DHRS3: variants seen among roughly 807,000 people sequenced by gnomAD.
The protein encoded by DHRS3 is short-chain dehydrogenase/reductase 3.
DHRS3 carries 14 observed loss-of-function variants against 27.2 expected under a neutral mutation model. The ratio of observed to expected loss-of-function variants is 0.52; its 90% CI spans 0.34 to 0.81. The LOEUF is 0.81. DHRS3 is among the 30% of genes least tolerant of loss of function. The pLI is 0.01. For missense variants in DHRS3, 322 were observed against 406.2 expected, an observed-to-expected ratio of 0.79 and a Z score of 1.78; for synonymous variants, 165 against 175.9, an observed-to-expected ratio of 0.94 and a Z score of 0.49.
At chr1:12,569,199 A>G (rs983334651) in intron 5 of DHRS3, among the ~76,000 whole-genome samples, 27 of 41,612 alleles carry the variant, frequency 6.5e-4, no homozygotes, top group African/African-American at 2.4e-3. Flanking sequence ...CCTGGGCGAC[A>G]AGAGTAAAAC....
chr1:12,596,733 G>A (rs547355726), intron 1 of DHRS3, among the ~76,000 whole-genome samples: 2 of 152,268 alleles, frequency 1.3e-5, no homozygotes, highest in African/African-American at 2.4e-5. Context: ...CTCCATCTGG[G>A]GAAGTGGGGA....
At chr1:12,615,777 T>C (rs185925512) in intron 1 of DHRS3, among the ~76,000 whole-genome samples, 250 of 152,296 alleles carry the variant, frequency 1.6e-3, no homozygotes, top group African/African-American at 5.6e-3. Context: ...GGGCATCGCC[T>C]CAAGGAAATG....
intron 1 of DHRS3, among the ~76,000 whole-genome samples, chr1:12,598,292 G>A (rs528609656): frequency 6.6e-6 from 1 of 152,220 alleles, no homozygotes; most frequent in South Asian, 2.1e-4. Flanking sequence ...GGAGGATCAC[G>A]TGAGCCTGGG....
intron 5 of DHRS3, among the ~76,000 whole-genome samples, chr1:12,568,905 T>C (rs1351086846): frequency 1.3e-5 from 2 of 151,806 alleles, no homozygotes; most frequent in Non-Finnish European, 2.9e-5. Flanking sequence ...CCAGCCTGGG[T>C]GGCAGAGCCA....
chr1:12,581,084 T>C (rs1646640014), intron 1 of DHRS3, among the ~76,000 whole-genome samples: 1 of 152,108 alleles, frequency 6.6e-6, no homozygotes, highest in Non-Finnish European at 1.5e-5. Context: ...CACCTCGGCC[T>C]CTCAAGTGCT....
At chr1:12,603,004 A>G (rs890691605) in intron 1 of DHRS3, among the ~76,000 whole-genome samples, 6 of 152,376 alleles carry the variant, frequency 3.9e-5, no homozygotes, top group East Asian at 3.9e-4. Context: ...GCCAGGGAGA[A>G]GCCTCCTGTG....
intron 1 of DHRS3, among the ~76,000 whole-genome samples, chr1:12,597,143 C>G (rs1646804039): frequency 6.6e-6 from 1 of 152,136 alleles, no homozygotes; most frequent in Admixed American, 6.5e-5. Context: ...GTGGCGCGAT[C>G]TCGGCTCACT....
intron 1 of DHRS3, among the ~76,000 whole-genome samples, chr1:12,589,392 T>C (rs1198071476): frequency 1.6e-5 from 1 of 62,770 alleles, no homozygotes; most frequent in Non-Finnish European, 3.2e-5. Context: ...TTTCTTTTTC[T>C]TTTTTTTTTT....
At chr1:12,580,698 T>A in intron 1 of DHRS3, 32 bp from the exon 2 acceptor site, 1 of 1,594,296 alleles carries the variant, frequency 6.3e-7, no homozygotes, top group African/African-American at 1.3e-5. Flanking sequence ...GCAGAACAAA[T>A]GGTCATTAAG....
rs1417412233 is a variant in DHRS3, at chr1:12,578,145, C to T, written c.698+573G>A. On this transcript the variant is annotated intron_variant, in intron 4 of 5. Coordinates refer to ENST00000616661, the MANE Select transcript of DHRS3 (RefSeq NM_004753.7). This position sits in a 1 kb window ranked among gnomAD's most constrained non-coding sequence, Gnocchi z 4.5. ...CGCCCTGCACGACGCTGTGGAGGTG[C>T]ATCTCCCTCATTTGACCTTTAGACA... Among the ~76,000 whole-genome samples the T allele has an allele frequency of 6.6e-6, 1 of 152,198 alleles. No individual in the cohort carries two copies. The highest frequency in any genetic ancestry group is 1.9e-4 in the East Asian group (1 of 5,188).
Position 12,575,259 on chromosome 1 carries a change from G to A in DHRS3, c.699-2406C>T, listed in dbSNP as rs377025868. Among the ~76,000 whole-genome samples the A allele has an allele frequency of 5.3e-4, 81 of 152,010 alleles. No individual in the cohort carries two copies. The East Asian group carries it at 0.014, about 27-fold the overall frequency. On this transcript the variant is annotated intron_variant, in intron 4 of 5. Transcript: ENST00000616661. ...GGAGAATTGCTTGAACCTGGGAGGC[G>A]GAGGTTGCAGTGAGCCAAGATCACA...
intron 1 of DHRS3, among the ~76,000 whole-genome samples, chr1:12,596,616 C>A (rs1286015394): frequency 6.6e-6 from 1 of 152,060 alleles, no homozygotes; most frequent in Non-Finnish European, 1.5e-5. Flanking sequence ...CCTGCACTGC[C>A]CTTTGGAATG....
intron 1 of DHRS3, among the ~76,000 whole-genome samples, chr1:12,611,916 A>G (rs1236947642): frequency 6.7e-6 from 1 of 148,674 alleles, no homozygotes; most frequent in African/African-American, 2.5e-5. Context: ...ACATAGGGAG[A>G]CTCCCGTCTC....
chr1:12,600,241 T>A (rs2100706550), intron 1 of DHRS3: 4 of 449,602 alleles, frequency 8.9e-6, no homozygotes, highest in Non-Finnish European at 1.2e-5. Flanking sequence ...ACACACACAA[T>A]CACACAAACA....
At position 12,617,236 on chromosome 1, in the gene DHRS3, C is replaced by A. The variant is rs375803384; in HGVS notation, c.113G>T (p.Arg38Leu). 5.6e-6 allele frequency: 9 copies of A among 1,613,644 alleles called. No homozygotes were observed. The highest frequency in any genetic ancestry group is 2.2e-5 in the South Asian group (2 of 91,094). The change falls in exon 1 of 6, where the codon CGG becomes CTG. Residue 38 changes from arginine to leucine, a missense_variant. By Grantham distance (102) the Arg-to-Leu change is moderately radical. Coordinates refer to ENST00000616661, the MANE Select transcript of DHRS3 (RefSeq NM_004753.7). The part of the protein sequence containing the change: ...VLPAKLRDLS[R>L]ENVLITGGGR... The stretch of plus-strand genomic sequence containing the variant: ...GCCGCCGGTGATGAGGACGTTCTCC[C>A]GCGACAGGTCCCGCAGCTTGGCGGG...
chr1:12,583,316 A>T, intron 1 of DHRS3, among the ~76,000 whole-genome samples: 1 of 110,208 alleles, frequency 9.1e-6, no homozygotes, highest in African/African-American at 3.4e-5. Context: ...CACCTACCCT[A>T]CTCCATTCAT....
In DHRS3 at chr1:12,617,354, G is replaced by T; in HGVS notation, c.-6C>A. The T allele has an allele frequency of 6.3e-7, 1 of 1,595,540 alleles. No individual in the cohort carries two copies. On this transcript the variant is annotated 5_prime_UTR_variant, in exon 1 of 6. Coordinates refer to ENST00000616661, the MANE Select transcript of DHRS3 (RefSeq NM_004753.7). ...CCCAGCCGTTTCCACACCATCCTCC[G>T]CGCCGCGGAGCCGGGCAGGGGGCGA...
chr1:12,568,460 T>C (rs1316136530), intron 5 of DHRS3, 36 bp from the exon 6 acceptor site: 1 of 1,602,634 alleles, frequency 6.2e-7, no homozygotes, highest in Admixed American at 1.7e-5. Flanking sequence ...TAGCGATGGT[T>C]AGTGGGGCAG....
intron 1 of DHRS3, among the ~76,000 whole-genome samples, chr1:12,611,559 G>T (rs1646909707): frequency 6.6e-6 from 1 of 152,186 alleles, no homozygotes; most frequent in African/African-American, 2.4e-5. Context: ...TCATTTGGTG[G>T]CATCTGATGA....
Sources: allele counts gnomAD v4.1 joint callset (sites outside exome capture counted in the v4.1 genomes callset), GRCh38; gene constraint gnomAD v4.1.1; non-coding constraint Gnocchi (gnomAD v3.1); transcripts MANE v1.5; gene names NCBI Gene and HGNC (gene_info 2026-07-23, HGNC 2026-07-21).